BRAF: variants seen among roughly 807,000 people sequenced by gnomAD.
BRAF encodes the protein B-Raf proto-oncogene, serine/threonine kinase.
A neutral mutation model predicts 104.6 loss-of-function variants in BRAF; 16 were observed. The observed-to-expected ratio is 0.15, with a 90% CI of 0.10 to 0.23. The LOEUF is 0.23. BRAF is among the 10% of genes least tolerant of loss of function. The probability of loss-of-function intolerance (pLI) is 1.00; values close to 1 mark genes in which losing one functional copy is unlikely to be tolerated. For synonymous variants in BRAF, 310 were observed against 341.6 expected (o/e 0.91, Z 1.02); for missense variants, 541 against 937.3 (o/e 0.58, Z 5.52).
Position 140,719,884 on chromosome 7 carries a change from T to C in BRAF, c.*6610A>G. 2 of 1,062,528 alleles carry C rather than the reference T, an allele frequency of 1.9e-6. No individual in the cohort carries two copies. The highest frequency in any genetic ancestry group is 2.3e-6 in the Non-Finnish European group (2 of 877,532). 65.8% of individuals were successfully genotyped at this position (1,062,528 alleles called of 1,614,324 possible). On this transcript the variant is annotated 3_prime_UTR_variant, in exon 20 of 20. Coordinates refer to ENST00000644969, the MANE Select transcript of BRAF (RefSeq NM_001374258.1). Reference sequence around the variant, plus strand: ...ACTGAAGTGTACTAAACCCGAACCTTTGGCAGTAACAGAAAAGAGGAATGT... The same window carrying C: ...ACTGAAGTGTACTAAACCCGAACCTCTGGCAGTAACAGAAAAGAGGAATGT...
intron 2 of BRAF, among the ~76,000 whole-genome samples, chr7:140,842,069 A>C (rs1010048980): frequency 6.6e-6 from 1 of 152,190 alleles, no homozygotes; most frequent in East Asian, 1.9e-4. Context: ...TTCCACAGGA[A>C]GCATCCAGCT....
intron 3 of BRAF, among the ~76,000 whole-genome samples, chr7:140,821,524 G>A (rs954569674): frequency 2.6e-5 from 4 of 151,234 alleles, no homozygotes; most frequent in African/African-American, 4.9e-5. Context: ...GGCTGGTCTC[G>A]AACTCCTGAC....
intron 10 of BRAF, among the ~76,000 whole-genome samples, chr7:140,784,968 A>G (rs1801212132): frequency 6.6e-6 from 1 of 152,184 alleles, no homozygotes; most frequent in Admixed American, 6.5e-5. Flanking sequence ...TTTACAAATC[A>G]GTTTAACTAC....
chr7:140,898,839 T>C (rs993768203), intron 1 of BRAF, among the ~76,000 whole-genome samples: 1 of 152,248 alleles, frequency 6.6e-6, no homozygotes, highest in Non-Finnish European at 1.5e-5. Flanking sequence ...TAACTGCATT[T>C]GTTTTTAAAC....
At position 140,726,279 on chromosome 7, in the gene BRAF, T is replaced by G; in HGVS notation, c.*215A>C. ...CAGACTTGTATGCTCGTGGTATTTTTGTTGAAGAAACACTGGCAGCAGAGA... is the reference window on the plus strand; with the variant it reads ...CAGACTTGTATGCTCGTGGTATTTTGGTTGAAGAAACACTGGCAGCAGAGA... On this transcript the variant is annotated 3_prime_UTR_variant, in exon 20 of 20. Coordinates refer to ENST00000644969, the MANE Select transcript of BRAF (RefSeq NM_001374258.1). The G allele has an allele frequency of 7.1e-7, 1 of 1,411,978 alleles. No homozygotes were observed. The highest frequency in any genetic ancestry group is 1.4e-5 in the African/African-American group (1 of 69,046). 87.5% of individuals were successfully genotyped at this position (1,411,978 alleles called of 1,614,324 possible).
At chr7:140,820,665 T>C (rs879943823) in intron 3 of BRAF, among the ~76,000 whole-genome samples, 2 of 152,146 alleles carry the variant, frequency 1.3e-5, no homozygotes, top group Admixed American at 6.5e-5. Flanking sequence ...CAGGGCCAGG[T>C]GCAGTGGTTC....
chr7:140,721,372 T>C lies in BRAF; in HGVS notation c.*5122A>G. 8 of 1,220,770 alleles carry C rather than the reference T, an allele frequency of 6.6e-6. No homozygotes were observed. The highest frequency in any genetic ancestry group is 8.2e-6 in the Non-Finnish European group (8 of 981,208). The allele number at this position is 1,220,770 out of a possible 1,614,324, so 75.6% of individuals were successfully genotyped here. ...TTTCTGTCCTTTTCCACATTAAAAA[T>C]ACCTGATAGGAACTGTTAATTACCC... On this transcript the variant is annotated 3_prime_UTR_variant, in exon 20 of 20. Transcript: ENST00000644969.
chr7:140,893,362 G>A (rs988447711), intron 1 of BRAF, among the ~76,000 whole-genome samples: 1 of 151,396 alleles, frequency 6.6e-6, no homozygotes, highest in Middle Eastern at 3.4e-3. Context: ...CCATTCTCCT[G>A]CCTCAGCCTC....
chr7:140,915,070 A>AG (rs1563035712), intron 1 of BRAF, among the ~76,000 whole-genome samples: 7 of 144,850 alleles, frequency 4.8e-5, no homozygotes, highest in Non-Finnish European at 9.0e-5. Flanking sequence ...AAAAAAAAAA[A>AG]CCATACCTAC....
At chr7:140,746,413 G>A (rs148805456) in intron 17 of BRAF, among the ~76,000 whole-genome samples, 3 of 152,050 alleles carry the variant, frequency 2.0e-5, no homozygotes, top group African/African-American at 7.2e-5. Flanking sequence ...TTAGTGCTAG[G>A]GTGAATAAAG....
chr7:140,915,266 C>T (rs1817491669), intron 1 of BRAF, among the ~76,000 whole-genome samples: 1 of 151,676 alleles, frequency 6.6e-6, no homozygotes, highest in Non-Finnish European at 1.5e-5. Context: ...TAAAATATGC[C>T]AAAATAAGTG....
chr7:140,741,946 G>A (rs904033039), intron 17 of BRAF, among the ~76,000 whole-genome samples: 15 of 150,866 alleles, frequency 9.9e-5, no homozygotes, highest in African/African-American at 3.4e-4. Context: ...CCAACAGAGC[G>A]AGACTGTCTC....
intron 8 of BRAF, among the ~76,000 whole-genome samples, chr7:140,793,846 C>T (rs1227225002): frequency 6.6e-6 from 1 of 152,152 alleles, no homozygotes; most frequent in African/African-American, 2.4e-5. Context: ...AGGCTGGTCT[C>T]TAACTTCTGG....
chr7:140,745,537 C>T (rs546850843), intron 17 of BRAF, among the ~76,000 whole-genome samples: 1 of 152,262 alleles, frequency 6.6e-6, no homozygotes, highest in East Asian at 1.9e-4. Context: ...ACATACACAA[C>T]GAAACCAATA....
intron 17 of BRAF, among the ~76,000 whole-genome samples, chr7:140,745,778 T>A (rs1340940192): frequency 6.6e-6 from 1 of 152,232 alleles, no homozygotes; most frequent in African/African-American, 2.4e-5. Context: ...GCTTTGCATA[T>A]AGTTGGTATT....
intron 2 of BRAF, among the ~76,000 whole-genome samples, chr7:140,844,365 T>C (rs1267601): frequency 0.11 from 16,831 of 152,294 alleles, 1,130 homozygotes; most frequent in South Asian, 0.19. Flanking sequence ...ACAGGACTAA[T>C]AGATCTTATC....
chr7:140,883,112 A>C (rs1051242461), intron 1 of BRAF, among the ~76,000 whole-genome samples: 2 of 152,156 alleles, frequency 1.3e-5, no homozygotes, highest in African/African-American at 4.8e-5. Flanking sequence ...TTCTGCTATG[A>C]ATACCAAAAC....
At chr7:140,744,699 C>T (rs181479071) in intron 17 of BRAF, among the ~76,000 whole-genome samples, 1 of 151,972 alleles carries the variant, frequency 6.6e-6, no homozygotes, top group Admixed American at 6.6e-5. Flanking sequence ...AGTGTCCTAA[C>T]AAAAAAGTTG....
chr7:140,797,691 G>A (rs564693824), intron 7 of BRAF, among the ~76,000 whole-genome samples: 1 of 152,130 alleles, frequency 6.6e-6, no homozygotes, highest in East Asian at 1.9e-4. Context: ...AAATGTCCTG[G>A]ATCATTACCA....
Sources: gnomAD v4.1 joint callset for allele counts (sites outside exome capture counted in the v4.1 genomes callset) on GRCh38, gnomAD v4.1.1 for gene constraint, MANE v1.5 for transcripts, NCBI Gene and HGNC (gene_info 2026-07-23, HGNC 2026-07-21) for gene names.